The following TMC3 variants were observed in gnomAD, a reference collection of about 807,000 sequenced individuals.
The protein encoded by TMC3 is transmembrane channel like 3, also known as transmembrane channel-like protein 3.
TMC3 carries 98 observed loss-of-function variants against 110.6 expected under a neutral mutation model. The observed-to-expected ratio is 0.89, with a 90% CI of 0.75 to 1.05. The LOEUF is 1.05. TMC3 is among the 50% of genes least tolerant of loss of function. The pLI, the probability that TMC3 is intolerant of heterozygous loss-of-function variation, is 0.00. For synonymous variants in TMC3, 489 were observed against 513.1 expected, an observed-to-expected ratio of 0.95 and a Z score of 0.63; for missense variants, 1,319 against 1,373.2, an observed-to-expected ratio of 0.96 and a Z score of 0.62.
intron 21 of TMC3, 64 bp from the exon 22 acceptor site, chr15:81,333,326 CTG>C: frequency 1.3e-6 from 2 of 1,534,096 alleles, no homozygotes; most frequent in South Asian, 1.3e-5. Flanking sequence ...CACCTGAGGA[CTG>C]TGAGCTGTGA....
rs369892976 is a variant in TMC3 at position 81,332,856 on chromosome 15, G to A, written c.2866C>T (p.Arg956Trp). 1.2e-5 allele frequency: 20 copies of A among 1,613,260 alleles called. No homozygotes were observed. Among genetic ancestry groups the A allele is most frequent in the Admixed American group, 1.7e-5 (1 of 60,004 alleles). ...EETPSRDWIK[R>W]SLPPRSLIDL... ...ATCAGGGAGCGTGGGGGAAGAGACC[G>A]TTTGATCCAATCTCTGCTTGGCGTC... The change falls in exon 22 of 22, where the codon CGG becomes TGG. Residue 956 changes from arginine to tryptophan, a missense_variant. Arg to Trp is a moderately radical substitution (Grantham distance 101). Coordinates refer to ENST00000359440, the MANE Select transcript of TMC3 (RefSeq NM_001080532.3).
chr15:81,372,399 CACACACACAG>C (rs1412314407), intron 2 of TMC3, among the ~76,000 whole-genome samples, 182 bp downstream of exon 2: 2 of 134,692 alleles, frequency 1.5e-5, no homozygotes, highest in Non-Finnish European at 3.3e-5. Flanking sequence ...CACACACACA[CACACACACAG>C]AGGAACTGGC....
At chr15:81,348,282 G>A (rs1158744738) in intron 11 of TMC3, among the ~76,000 whole-genome samples, 4 of 152,202 alleles carry the variant, frequency 2.6e-5, no homozygotes, top group Non-Finnish European at 5.9e-5. Context: ...GTTATTAGGT[G>A]TTACAAGAGG....
chr15:81,335,726 G>T (rs1893578950), intron 20 of TMC3: 1 of 152,280 alleles, frequency 6.6e-6, no homozygotes, highest in South Asian at 2.1e-4. Flanking sequence ...GCTGTGCCAT[G>T]TTAATGGTGC....
chr15:81,363,636 A>T (rs1484426790), intron 3 of TMC3, among the ~76,000 whole-genome samples: 1 of 152,208 alleles, frequency 6.6e-6, no homozygotes, highest in Non-Finnish European at 1.5e-5. Flanking sequence ...GCCAACTCAA[A>T]TACAGCCACT....
intron 21 of TMC3, among the ~76,000 whole-genome samples, chr15:81,333,716 C>T (rs960945284): frequency 2.0e-5 from 3 of 152,088 alleles, no homozygotes; most frequent in African/African-American, 4.8e-5. Context: ...TGGCCAGGTA[C>T]GGTGGTTCAC....
intron 4 of TMC3, chr15:81,361,769 G>A (rs1169439022): frequency 6.5e-6 from 1 of 152,792 alleles, no homozygotes; most frequent in African/African-American, 2.4e-5. Flanking sequence ...GTCTCTTCCA[G>A]GTATTGTGTG....
intron 11 of TMC3, among the ~76,000 whole-genome samples, chr15:81,347,340 C>T (rs903923232): frequency 6.6e-6 from 1 of 152,222 alleles, no homozygotes; most frequent in Non-Finnish European, 1.5e-5. Flanking sequence ...ACCATCCCCC[C>T]AGGCCTTCCG....
chr15:81,354,290 G>A (rs755703570), intron 9 of TMC3, among the ~76,000 whole-genome samples: 1 of 152,202 alleles, frequency 6.6e-6, no homozygotes, highest in Non-Finnish European at 1.5e-5. Context: ...CAGGAGTGGA[G>A]GTCCTGGAGT....
chr15:81,349,360 A>G (rs994952593), intron 11 of TMC3, 98 bp downstream of exon 11: 26 of 660,972 alleles, frequency 3.9e-5, no homozygotes, highest in East Asian at 2.7e-4. Context: ...TGTCTGAGAG[A>G]AAAGAAGCAA....
At chr15:81,358,941 T>C (rs976571433) in intron 5 of TMC3, among the ~76,000 whole-genome samples, 1 of 152,218 alleles carries the variant, frequency 6.6e-6, no homozygotes, top group Admixed American at 6.5e-5. Context: ...ATTTCAACTT[T>C]GGGCTGGCAA....
At chr15:81,338,051 C>A in intron 18 of TMC3, 127 bp from the exon 19 acceptor site, 2 of 722,904 alleles carry the variant, frequency 2.8e-6, no homozygotes, top group South Asian at 3.2e-5. Flanking sequence ...ATCCACTGAC[C>A]CTCCGCTAAG....
intron 3 of TMC3, 62 bp downstream of exon 3, chr15:81,368,191 C>T: frequency 4.6e-6 from 6 of 1,291,804 alleles, no homozygotes; most frequent in Non-Finnish European, 1.1e-6. Flanking sequence ...CCTTGGCCTC[C>T]CAAAGCACTG....
At chr15:81,358,551 G>T in intron 5 of TMC3, 51 bp from the exon 6 acceptor site, 1 of 1,449,474 alleles carries the variant, frequency 6.9e-7, no homozygotes, top group Middle Eastern at 1.8e-4. Context: ...GGAGGGGACC[G>T]GGAGAAAATG....
At chr15:81,359,523 A>G (rs754170867) in intron 4 of TMC3, 52 bp from the exon 5 acceptor site, 1 of 1,243,938 alleles carries the variant, frequency 8.0e-7, no homozygotes, top group Non-Finnish European at 1.1e-6. Flanking sequence ...CTCATAGTGC[A>G]AGAAATCCTA....
In TMC3 at chr15:81,334,787, C is replaced by T; in HGVS notation, c.2392G>A (p.Gly798Arg). Residue 798 changes from glycine (G) to arginine (R), a missense_variant, in exon 21 of 22, where the codon GGG (glycine) becomes AGG (arginine). By Grantham distance (125) the Gly-to-Arg change is moderately radical (BLOSUM62 -2). Coordinates refer to ENST00000359440, the MANE Select transcript of TMC3 (RefSeq NM_001080532.3). ...AQSMPQSPRP[G>R]DRAPSSPLPG... ...AGAGGTGAGCTAGGAGCCCTGTCCC[C>T]TGGCCTCGGGCTCTGGGGCATGGAC... The T allele has an allele frequency of 6.2e-7, 1 of 1,614,048 alleles. No homozygotes were observed. The highest frequency in any genetic ancestry group is 1.3e-5 in the African/African-American group (1 of 75,070).
In TMC3 at chr15:81,341,399, C is replaced by G. The variant is rs1282151619; in HGVS notation, c.1835G>C (p.Arg612Pro). Residue 612 changes from arginine to proline, a missense_variant, in exon 16 of 22, where the codon CGA (arginine) becomes CCA (proline). By Grantham distance (103) the Arg-to-Pro change is moderately radical. Coordinates refer to ENST00000359440, the MANE Select transcript of TMC3 (RefSeq NM_001080532.3). ...TCTTATTCTTACTCACCTTGAGGCT[C>G]GAAATACTTGCTGGTGGGGCACATT... ...TCNVPHQQVF[R>P]ASRSNNFYLA... The G allele has an allele frequency of 6.2e-7, 1 of 1,610,430 alleles. No individual in the cohort carries two copies. Among genetic ancestry groups the G allele is most frequent in the Non-Finnish European group, 8.5e-7 (1 of 1,178,244 alleles).
At position 81,334,921 on chromosome 15, in the gene TMC3, A is replaced by G; in HGVS notation, c.2258T>C (p.Leu753Pro). The change falls in exon 21 of 22, where the codon CTT becomes CCT. Residue 753 changes from leucine (L) to proline (P), a missense_variant. Leu to Pro is a moderately conservative substitution (Grantham distance 98, BLOSUM62 -3). Transcript: ENST00000359440. Reference protein sequence around the residue: ...STKKLPNDSDLTSQLSSAHSG... With the variant: ...STKKLPNDSDPTSQLSSAHSG... ...GTGCGCTGAGGACAGCTGGCTGGTA[A>G]GATCACTGTCGTTTGGAAGCTTCTT... 1 of 1,614,042 alleles carries G rather than the reference A, an allele frequency of 6.2e-7. No individual in the cohort carries two copies. The highest frequency in any genetic ancestry group is 1.3e-5 in the African/African-American group (1 of 75,044).
intron 8 of TMC3, 99 bp downstream of exon 8, chr15:81,356,348 A>G: frequency 7.6e-7 from 1 of 1,322,918 alleles, no homozygotes; most frequent in Non-Finnish European, 1.0e-6. Context: ...AATGAACATC[A>G]ATGGGAAGAG....
Sources: gnomAD v4.1 joint callset for allele counts (sites outside exome capture counted in the v4.1 genomes callset) on GRCh38, gnomAD v4.1.1 for gene constraint, MANE v1.5 for transcripts, NCBI Gene and HGNC (gene_info 2026-07-23, HGNC 2026-07-21) for gene names.